The following CCDC3 variants were observed in gnomAD, a reference collection of about 807,000 sequenced individuals.
CCDC3 encodes coiled-coil domain containing 3.
A neutral mutation model predicts 21.4 loss-of-function variants in CCDC3; 24 were observed. The observed-to-expected ratio is 1.12, with a 90% confidence interval of 0.81 to 1.58. The LOEUF is 1.58. Ranked by LOEUF, CCDC3 falls within the 40% of genes most tolerant of loss-of-function variation. The pLI, the probability that CCDC3 is intolerant of heterozygous loss-of-function variation, is 0.00. For synonymous variants in CCDC3, 186 were observed against 166.0 expected (o/e 1.12, Z -0.93); for missense variants, 425 against 360.9 (o/e 1.18, Z -1.44).
chr10:12,951,804 C>CAAAAAAAAAA lies in CCDC3; in HGVS notation c.549+46524_549+46533dup, dbSNP rs71924811. On this transcript the variant is annotated intron_variant, in intron 2 of 2. Coordinates refer to ENST00000378825, the MANE Select transcript of CCDC3 (RefSeq NM_031455.4). ...TGGACAACAGAGTGAGACTTCATCT[C>CAAAAAAAAAA]AAAAAAAAAAAAAAAAAAAAAAAGT... Among the ~76,000 whole-genome samples, 203 of 60,482 alleles carry CAAAAAAAAAA rather than the reference C, an allele frequency of 3.4e-3. 33 individuals are homozygous for CAAAAAAAAAA. Among genetic ancestry groups the CAAAAAAAAAA allele is most frequent in the African/African-American group, 0.013 (163 of 12,770 alleles). 39.7% of individuals were successfully genotyped at this position (60,482 alleles called of 152,430 possible).
At position 13,054,952 on chromosome 10, in the gene CCDC3, C is replaced by A. The variant is rs534894705; in HGVS notation, c.-269-5011G>T. ...AAAGTGCTGGGATTACAGGCGTGAG[C>A]CACTGCACCCAGCCAAGGAGTTATT... On this transcript the variant is annotated intron_variant, in intron 4 of 6. Transcript: ENST00000378839. Among the ~76,000 whole-genome samples, 11 of 152,338 alleles carry A rather than the reference C, an allele frequency of 7.2e-5. No homozygotes were observed. The East Asian group carries it at 2.1e-3, about 29-fold the overall frequency.
exon 3 of CCDC3, chr10:13,098,588 C>T (rs1832663405): frequency 6.6e-6 from 1 of 152,126 alleles, no homozygotes; most frequent in Admixed American, 6.5e-5. Flanking sequence ...ACAGCTGTGA[C>T]ACCGTCTTTT....
At chr10:13,079,587 G>C (rs1008845651) in intron 3 of CCDC3, among the ~76,000 whole-genome samples, 2 of 152,296 alleles carry the variant, frequency 1.3e-5, no homozygotes, top group South Asian at 2.1e-4. Context: ...CACGGGGTTG[G>C]GGGGAGAATG....
At chr10:12,952,998 GA>G (rs1474444330) in intron 2 of CCDC3, among the ~76,000 whole-genome samples, 1 of 152,170 alleles carries the variant, frequency 6.6e-6, no homozygotes, top group Non-Finnish European at 1.5e-5. Flanking sequence ...GGAAGGGAGG[GA>G]GGGGTAATCC....
At position 12,919,248 on chromosome 10, in the gene CCDC3, T is replaced by G. The variant is rs117460966; in HGVS notation, c.550-20569A>C. 1.4e-3 allele frequency among the ~76,000 whole-genome samples: 207 copies of G among 152,234 alleles called. 5 individuals are homozygous for G. In the East Asian group the frequency reaches 0.031, roughly 23 times the overall value. On this transcript the variant is annotated intron_variant, in intron 2 of 2. Transcript: ENST00000378825. ...GTGTTTTTACTTGCAATGCTTACAT[T>G]TTTACACAGATCATGTATTTGTACA... is the stretch of plus-strand genomic sequence containing the variant.
At chr10:13,003,789 C>T (rs1835894020), upstream of CCDC3, among the ~76,000 whole-genome samples, 1 of 152,200 alleles carries the variant, frequency 6.6e-6, no homozygotes, top group Non-Finnish European at 1.5e-5. Flanking sequence ...AATCAGCAAA[C>T]ATGGCTGTTT....
chr10:13,054,243 G>C (rs1836652672), intron 4 of CCDC3, among the ~76,000 whole-genome samples: 1 of 151,162 alleles, frequency 6.6e-6, no homozygotes, highest in Non-Finnish European at 1.5e-5. Flanking sequence ...CAAACAATCT[G>C]CATTCCCTCC....
chr10:12,962,994 C>T (rs1835202904), intron 2 of CCDC3, among the ~76,000 whole-genome samples: 1 of 152,132 alleles, frequency 6.6e-6, no homozygotes, highest in Admixed American at 6.5e-5. Flanking sequence ...CACTATTTTC[C>T]ACCTCCATTC....
intron 3 of CCDC3, among the ~76,000 whole-genome samples, chr10:13,080,756 G>C (rs767587746): frequency 1.1e-4 from 17 of 152,250 alleles, no homozygotes; most frequent in Non-Finnish European, 2.9e-5. Flanking sequence ...AAGCCAGCAG[G>C]GGGACCTAGC....
intron 2 of CCDC3, among the ~76,000 whole-genome samples, chr10:12,979,349 G>C (rs1426899486): frequency 6.6e-6 from 1 of 151,428 alleles, no homozygotes; most frequent in Non-Finnish European, 1.5e-5. Flanking sequence ...TTCCCCTCCT[G>C]CTTGTTCTTT....
At chr10:13,011,357 G>A (rs1178859297) in intron 5 of CCDC3, among the ~76,000 whole-genome samples, 1 of 152,052 alleles carries the variant, frequency 6.6e-6, no homozygotes, top group Non-Finnish European at 1.5e-5. Context: ...TACAAAATCA[G>A]TGTACAAAAA....
intron 4 of CCDC3, among the ~76,000 whole-genome samples, chr10:13,067,302 G>A (rs1227609037): frequency 1.3e-5 from 2 of 152,126 alleles, no homozygotes; most frequent in African/African-American, 2.4e-5. Flanking sequence ...AGAGTAAGAG[G>A]TATTTTCCCC....
chr10:12,936,247 T>C (rs1589013155), intron 2 of CCDC3, among the ~76,000 whole-genome samples: 1 of 152,226 alleles, frequency 6.6e-6, no homozygotes. Flanking sequence ...TGTTTTTTTC[T>C]CTCAGCACTT....
intron 5 of CCDC3, among the ~76,000 whole-genome samples, chr10:13,008,074 T>C (rs776342886): frequency 2.0e-5 from 3 of 152,224 alleles, no homozygotes; most frequent in South Asian, 4.1e-4. Context: ...GAAGAGCCTG[T>C]CATGTGGTCT....
chr10:13,032,978 T>C (rs1034873952), intron 5 of CCDC3, among the ~76,000 whole-genome samples: 1 of 152,140 alleles, frequency 6.6e-6, no homozygotes, highest in African/African-American at 2.4e-5. Context: ...CTTCACAGAA[T>C]TGGAAAAAAC....
chr10:12,907,538 G>A (rs762449430), intron 2 of CCDC3, among the ~76,000 whole-genome samples: 14 of 152,178 alleles, frequency 9.2e-5, no homozygotes, highest in East Asian at 1.9e-4. Flanking sequence ...CCAGCTACGC[G>A]GGAGGCTGAG....
At chr10:13,096,150 T>G (rs540776001) in intron 3 of CCDC3, among the ~76,000 whole-genome samples, 11 of 146,022 alleles carry the variant, frequency 7.5e-5, no homozygotes, top group African/African-American at 2.8e-4. Flanking sequence ...TCTACTTCCT[T>G]CCTTCCCTCC....
At chr10:12,963,602 A>G (rs1429091103) in intron 2 of CCDC3, among the ~76,000 whole-genome samples, 1 of 109,698 alleles carries the variant, frequency 9.1e-6, no homozygotes, top group Admixed American at 1.1e-4. Flanking sequence ...TTTTTTTTTC[A>G]GACAGGATCT....
At chr10:12,963,140 A>C (rs1025981406) in intron 2 of CCDC3, among the ~76,000 whole-genome samples, 4 of 152,218 alleles carry the variant, frequency 2.6e-5, no homozygotes, top group Admixed American at 1.3e-4. Flanking sequence ...GAGGCAATTG[A>C]GACTGGGTTT....
Sources: gnomAD v4.1 joint callset for allele counts (sites outside exome capture counted in the v4.1 genomes callset) on GRCh38, gnomAD v4.1.1 for gene constraint, MANE v1.5 for transcripts, NCBI Gene and HGNC (gene_info 2026-07-23, HGNC 2026-07-21) for gene names.